Variants in FARS2 observed in about 807,000 individuals in gnomAD.
FARS2 encodes the protein phenylalanine--tRNA ligase, mitochondrial.
FARS2 carries 40 observed loss-of-function variants against 46.4 expected under a neutral mutation model. The observed-to-expected ratio is 0.86, with a 90% confidence interval of 0.67 to 1.12. The LOEUF (loss-of-function observed/expected upper bound fraction) is 1.12. FARS2 is among the 50% of genes most tolerant of loss of function. The pLI, the probability that FARS2 is intolerant of heterozygous loss-of-function variation, is 0.00. For synonymous variants in FARS2, 234 were observed against 214.9 expected, an observed-to-expected ratio of 1.09 and a Z score of -0.78; for missense variants, 513 against 567.9, an observed-to-expected ratio of 0.90 and a Z score of 0.98.
At chr6:5,671,959 A>G (rs1778489479) in intron 6 of FARS2, among the ~76,000 whole-genome samples, 1 of 152,202 alleles carries the variant, frequency 6.6e-6, no homozygotes, top group Non-Finnish European at 1.5e-5. Context: ...AGGAACGTGC[A>G]TTTGCGGAAG....
chr6:5,289,370 A>G (rs548776959), intron 1 of FARS2, among the ~76,000 whole-genome samples: 32 of 152,350 alleles, frequency 2.1e-4, no homozygotes, highest in African/African-American at 7.7e-4. Context: ...ACGCACAAAC[A>G]AAGCAATGAA....
intron 6 of FARS2, among the ~76,000 whole-genome samples, chr6:5,641,534 G>T (rs930132083): frequency 2.6e-5 from 4 of 152,012 alleles, no homozygotes; most frequent in Non-Finnish European, 5.9e-5. Context: ...TGACCTCAGG[G>T]GATCTGCCCA....
At chr6:5,327,488 A>G (rs1175048965) in intron 1 of FARS2, among the ~76,000 whole-genome samples, 1 of 152,090 alleles carries the variant, frequency 6.6e-6, no homozygotes. Flanking sequence ...CGTTCTTGTG[A>G]TGGTGAATAT....
At chr6:5,393,870 G>A (rs1004763179) in intron 2 of FARS2, among the ~76,000 whole-genome samples, 11 of 152,186 alleles carry the variant, frequency 7.2e-5, no homozygotes, top group African/African-American at 2.7e-4. Context: ...TTAGTATGTG[G>A]ATGGAAGGGG....
At chr6:5,417,231 T>G (rs560112640) in intron 3 of FARS2, among the ~76,000 whole-genome samples, 84 of 152,256 alleles carry the variant, frequency 5.5e-4, no homozygotes, top group African/African-American at 1.9e-3. Context: ...GTGTATTTAT[T>G]TTTGAGATAG....
intron 4 of FARS2, among the ~76,000 whole-genome samples, chr6:5,503,594 A>G (rs888579159): frequency 1.3e-5 from 2 of 152,136 alleles, no homozygotes; most frequent in African/African-American, 4.8e-5. Context: ...CAAGTATATA[A>G]TATGAAATGT....
At chr6:5,625,558 C>G (rs1277882394) in intron 6 of FARS2, among the ~76,000 whole-genome samples, 1 of 152,042 alleles carries the variant, frequency 6.6e-6, no homozygotes, top group Non-Finnish European at 1.5e-5. Context: ...CCTAATGGCA[C>G]CCAAGATCCT....
chr6:5,250,484 C>T, the FARS2 span, among the ~76,000 whole-genome samples: 1 of 151,934 alleles, frequency 6.6e-6, no homozygotes, highest in Non-Finnish European at 1.5e-5. Context: ...TTTTTTGAAA[C>T]CATTATCATT....
intron 6 of FARS2, among the ~76,000 whole-genome samples, chr6:5,739,896 C>G (rs1481145636): frequency 6.6e-6 from 1 of 152,210 alleles, no homozygotes; most frequent in African/African-American, 2.4e-5. Context: ...CCGCTAAACA[C>G]ACTGCTTGCA....
At chr6:5,762,653 C>T (rs1762536383) in intron 6 of FARS2, among the ~76,000 whole-genome samples, 1 of 152,242 alleles carries the variant, frequency 6.6e-6, no homozygotes, top group Admixed American at 6.5e-5. Flanking sequence ...TCTTACGTTG[C>T]CGACGTGTGC....
intron 6 of FARS2, among the ~76,000 whole-genome samples, chr6:5,663,929 G>A (rs747956518): frequency 2.6e-5 from 4 of 152,178 alleles, no homozygotes; most frequent in Non-Finnish European, 5.9e-5. Flanking sequence ...AAGGATGGAT[G>A]CACGCTGGCC....
At chr6:5,749,908 G>A (rs758228058) in intron 6 of FARS2, among the ~76,000 whole-genome samples, 4 of 152,194 alleles carry the variant, frequency 2.6e-5, no homozygotes, top group South Asian at 2.1e-4. Flanking sequence ...CCAGCTGGCC[G>A]AGCGGAGTGG....
At chr6:5,602,066 T>G (rs1011476577) in intron 5 of FARS2, among the ~76,000 whole-genome samples, 2 of 152,014 alleles carry the variant, frequency 1.3e-5, no homozygotes, top group South Asian at 2.1e-4. Context: ...TAACTTAGCC[T>G]AAAGGGAAGG....
intron 6 of FARS2, among the ~76,000 whole-genome samples, chr6:5,740,752 C>A (rs190531109): frequency 6.6e-6 from 1 of 152,158 alleles, no homozygotes; most frequent in African/African-American, 2.4e-5. Flanking sequence ...GGCAGGGAAA[C>A]AACTCGTTAG....
chr6:5,703,422 C>T (rs1758561087), intron 6 of FARS2, among the ~76,000 whole-genome samples: 1 of 152,150 alleles, frequency 6.6e-6, no homozygotes, highest in African/African-American at 2.4e-5. Flanking sequence ...GGTCTGCTGG[C>T]AGCTTGGTAA....
intron 2 of FARS2, among the ~76,000 whole-genome samples, chr6:5,392,932 G>GTATATGTACATATA (rs747187728): frequency 1.1e-5 from 1 of 94,238 alleles, no homozygotes; most frequent in Non-Finnish European, 1.9e-5. Flanking sequence ...ATACATATAT[G>GTATATGTACATATA]TGTGTGTGTA....
intron 1 of FARS2, among the ~76,000 whole-genome samples, chr6:5,346,347 A>C (rs797143): frequency 0.7 from 106,973 of 152,024 alleles, 38,330 homozygotes; most frequent in African/African-American, 0.83. Context: ...ATTTGGGTGT[A>C]ATTGCATCAT....
intron 2 of FARS2, among the ~76,000 whole-genome samples, chr6:5,393,209 T>TA (rs1281894606): frequency 6.6e-6 from 1 of 152,056 alleles, no homozygotes; most frequent in Admixed American, 6.6e-5. Context: ...AATGCACAGG[T>TA]AGACTCTCAG....
chr6:5,618,014 G>A (rs917821168), intron 6 of FARS2, among the ~76,000 whole-genome samples: 32 of 152,134 alleles, frequency 2.1e-4, no homozygotes, highest in Admixed American at 2.0e-3. Flanking sequence ...TATTTTTGAC[G>A]TTGTGGGTCA....
Sources: allele counts gnomAD v4.1 joint callset (sites outside exome capture counted in the v4.1 genomes callset), GRCh38; gene constraint gnomAD v4.1.1; transcripts MANE v1.5; gene names NCBI Gene and HGNC (gene_info 2026-07-23, HGNC 2026-07-21).